The following SYNC variants were observed in gnomAD, a reference collection of about 807,000 sequenced individuals.
SYNC encodes the protein syncoilin, intermediate filament protein.
A neutral mutation model predicts 49.5 loss-of-function variants in SYNC; 38 were observed. The observed-to-expected ratio is 0.77, with a 90% CI of 0.59 to 1.01. SYNC has a LOEUF of 1.01. Ranked by LOEUF, SYNC falls within the 50% of genes least tolerant of loss-of-function variation. The pLI, the probability that SYNC is intolerant of heterozygous loss-of-function variation, is 0.00. For missense variants in SYNC, 579 were observed against 580.6 expected, an observed-to-expected ratio of 1.00 and a Z score of 0.03; for synonymous variants, 201 against 230.8, an observed-to-expected ratio of 0.87 and a Z score of 1.17.
chr1:32,699,273 C>T (rs1231218013), intron 1 of SYNC, among the ~76,000 whole-genome samples: 1 of 150,978 alleles, frequency 6.6e-6, no homozygotes, highest in African/African-American at 2.4e-5. Flanking sequence ...CCTGCCTCAG[C>T]CTCCTGAGTA....
intron 1 of SYNC, among the ~76,000 whole-genome samples, chr1:32,697,744 C>CA (rs966175267): frequency 6.7e-5 from 10 of 150,298 alleles, no homozygotes; most frequent in East Asian, 2.0e-4. Context: ...AAAAAAAAAA[C>CA]AAAAAAAACC....
chr1:32,692,003 C>T (rs10914594), intron 2 of SYNC, among the ~76,000 whole-genome samples: 16,811 of 152,058 alleles, frequency 0.11, 1,722 homozygotes, highest in African/African-American at 0.26. Context: ...AGAGGCGAGG[C>T]GGGCGGATCA....
chr1:32,683,988 C>G, intron 4 of SYNC, 22 bp downstream of exon 4: 1 of 1,595,744 alleles, frequency 6.3e-7, no homozygotes, highest in East Asian at 2.2e-5. Context: ...GCAAACACCA[C>G]TCTTCTCTTC....
At chr1:32,691,972 G>C (rs941750471) in intron 2 of SYNC, among the ~76,000 whole-genome samples, 12 of 152,112 alleles carry the variant, frequency 7.9e-5, no homozygotes, top group African/African-American at 2.7e-4. Flanking sequence ...AGTGGCTCAT[G>C]CCTGTAATCC....
chr1:32,701,191 A>G (rs1423502681), intron 1 of SYNC, among the ~76,000 whole-genome samples: 2 of 152,162 alleles, frequency 1.3e-5, no homozygotes, highest in Non-Finnish European at 2.9e-5. Context: ...CTGGGATTAC[A>G]GGCGTGAGCC....
chr1:32,684,317 C>T lies in SYNC; in HGVS notation c.1299G>A (p.Gln433=), dbSNP rs1649664382. 1 of 1,614,068 alleles carries T rather than the reference C, an allele frequency of 6.2e-7. No individual in the cohort carries two copies. Among genetic ancestry groups the T allele is most frequent in the Admixed American group, 1.7e-5 (1 of 59,998 alleles). Reference sequence around the variant, plus strand: ...TTAGCTGTTCCATCTCTTTGTTCTTCTGTTGCTGGAGTTGCACCCCATTTC... The same window carrying T: ...TTAGCTGTTCCATCTCTTTGTTCTTTTGTTGCTGGAGTTGCACCCCATTTC... ...QLRNGVQLQQ[Q]KNKEMEQLRL... is the part of the protein sequence containing the mutation. The change falls in exon 3 of 5, where the codon CAG becomes CAA. Residue 433 remains glutamine (Q), a synonymous_variant. Coordinates refer to ENST00000409190, the MANE Select transcript of SYNC (RefSeq NM_030786.3).
rs1649445576 is a variant in SYNC at position 32,681,680 on chromosome 1, T to TTTTTA, written c.*169_*170insTAAAA. On this transcript the variant is annotated 3_prime_UTR_variant, in exon 5 of 5. Coordinates refer to ENST00000409190, the MANE Select transcript of SYNC (RefSeq NM_030786.3). ...GACATGTTCTGCCTCCGGCCAACTCTAGAATCTTTTTAAGCAGGTCAGCCA... is the reference window on the plus strand; with the variant it reads ...GACATGTTCTGCCTCCGGCCAACTCTTTTTAAGAATCTTTTTAAGCAGGTCAGCCA... 1.0e-6 allele frequency: 1 copy of TTTTTA among 995,086 alleles called. No homozygotes were observed. The highest frequency in any genetic ancestry group is 1.6e-5 in the African/African-American group (1 of 61,584). The allele number at this position is 995,086 out of a possible 1,614,324, so 61.6% of individuals were successfully genotyped here.
At position 32,695,432 on chromosome 1, in the gene SYNC, G is replaced by T; in HGVS notation, c.666C>A (p.Tyr222Ter). The T allele has an allele frequency of 6.4e-7, 1 of 1,551,714 alleles. No homozygotes were observed. The highest frequency in any genetic ancestry group is 8.7e-7 in the Non-Finnish European group (1 of 1,147,048). ...QQVHQDILAA[Y>*]KLHAQAELER... ...CCAGCTCTGCTTGGGCATGGAGCTT[G>T]TAGGCAGCCAGGATGTCTTGATGGA... Residue 222 changes from tyrosine (Y) to a stop codon, truncating the protein, a stop_gained, in exon 2 of 5, where the codon TAC (tyrosine) becomes TAA (stop). Transcript: ENST00000409190. LOFTEE classifies it high-confidence loss of function.
chr1:32,694,780 T>C, intron 2 of SYNC, 85 bp downstream of exon 2: 1 of 1,347,250 alleles, frequency 7.4e-7, no homozygotes, highest in South Asian at 1.6e-5. Flanking sequence ...TGTGACACTA[T>C]CTTTCAGCCC....
At chr1:32,685,750 A>C (rs1649781752) in intron 2 of SYNC, 1 of 152,222 alleles carries the variant, frequency 6.6e-6, no homozygotes, top group South Asian at 2.1e-4. Context: ...ACAAAAGTAC[A>C]TGCTTGGAAA....
At position 32,695,979 on chromosome 1, in the gene SYNC, G is replaced by C. The variant is rs1281155585; in HGVS notation, c.119C>G (p.Ala40Gly). Residue 40 changes from alanine to glycine, a missense_variant, in exon 2 of 5, where the codon GCC becomes GGC. Coordinates refer to ENST00000409190, the MANE Select transcript of SYNC (RefSeq NM_030786.3). ...AGATAGAGTAACTTCTGGGTTCAAGGCTTCTGCCTCATTTAGGGATCCAGA... is the reference window on the plus strand; with the variant it reads ...AGATAGAGTAACTTCTGGGTTCAAGCCTTCTGCCTCATTTAGGGATCCAGA... ...KNSGSLNEAE[A>G]LNPEVTLSSE... is the part of the protein sequence containing the mutation. 6.5e-7 allele frequency: 1 copy of C among 1,543,228 alleles called. No homozygotes were observed. Among genetic ancestry groups the C allele is most frequent in the Non-Finnish European group, 8.7e-7 (1 of 1,146,980 alleles).
chr1:32,688,611 CTTT>C (rs1388833407), intron 2 of SYNC, among the ~76,000 whole-genome samples: 2 of 152,242 alleles, frequency 1.3e-5, no homozygotes, highest in African/African-American at 4.8e-5. Context: ...GGAGTACAAA[CTTT>C]TTTTAAGGCG....
intron 2 of SYNC, chr1:32,686,244 A>C (rs1268484867): frequency 6.6e-6 from 1 of 152,262 alleles, no homozygotes; most frequent in African/African-American, 2.4e-5. Context: ...TAGAGCTACC[A>C]GAACATTTAA....
At chr1:32,687,286 G>C (rs1649892222) in intron 2 of SYNC, among the ~76,000 whole-genome samples, 1 of 151,534 alleles carries the variant, frequency 6.6e-6, no homozygotes, top group South Asian at 2.1e-4. Flanking sequence ...GCTTGAACCT[G>C]GGAGGCGGAG....
intron 2 of SYNC, among the ~76,000 whole-genome samples, chr1:32,693,804 T>C (rs983776649): frequency 1.3e-5 from 2 of 152,158 alleles, no homozygotes. Context: ...TGGGGACAAA[T>C]GCACATAAAA....
At chr1:32,693,078 TTTG>T in intron 2 of SYNC, among the ~76,000 whole-genome samples, 1 of 137,776 alleles carries the variant, frequency 7.3e-6, no homozygotes, top group African/African-American at 2.6e-5. Context: ...TTTTTTTTTG[TTTG>T]TTTGTTTTTG....
chr1:32,701,698 G>T (rs953664416), intron 1 of SYNC, among the ~76,000 whole-genome samples: 21 of 152,178 alleles, frequency 1.4e-4, no homozygotes, highest in Admixed American at 1.4e-3. Flanking sequence ...GCTCAGAGGA[G>T]AGGAAGCCAG....
At position 32,695,039 on chromosome 1, in the gene SYNC, C is replaced by T; in HGVS notation, c.1059G>A (p.Arg353=). 7 of 1,613,870 alleles carry T rather than the reference C, an allele frequency of 4.3e-6. No homozygotes were observed. The highest frequency in any genetic ancestry group is 5.9e-6 in the Non-Finnish European group (7 of 1,179,992). ...GCAGAGCTTTGGTCCCAGCTTCTTT[C>T]CTCTCTAGGAGCCGCAGGAACTGAG... The part of the protein sequence containing the change: ...YEPQFLRLLE[R]KEAGTKALQR... The change falls in exon 2 of 5, where the codon AGG becomes AGA. Residue 353 remains arginine (R), a synonymous_variant. Coordinates refer to ENST00000409190, the MANE Select transcript of SYNC (RefSeq NM_030786.3).
At chr1:32,689,164 C>A (rs2625022) in intron 2 of SYNC, among the ~76,000 whole-genome samples, 1,511 of 142,996 alleles carry the variant, frequency 0.011, 24 homozygotes, top group African/African-American at 0.035. Context: ...TGGTCTCGAT[C>A]TTTTGACGTG....
Sources: allele counts gnomAD v4.1 joint callset (sites outside exome capture counted in the v4.1 genomes callset), GRCh38; gene constraint gnomAD v4.1.1; transcripts MANE v1.5; gene names NCBI Gene and HGNC (gene_info 2026-07-23, HGNC 2026-07-21).